The following CASP10 variants were observed in gnomAD, a reference collection of about 807,000 sequenced individuals.
CASP10 encodes the protein caspase-10.
Under a neutral mutation model 48.5 loss-of-function variants are expected in CASP10, and 41 were observed. The observed-to-expected ratio is 0.85, with a 90% CI of 0.66 to 1.10. The LOEUF is 1.10. Among genes scored for constraint, CASP10 ranks in the 50% least tolerant of loss-of-function variants. The pLI is 0.00. For missense variants in CASP10, 614 were observed against 614.5 expected, an observed-to-expected ratio of 1.00 and a Z score of 0.01; for synonymous variants, 232 against 238.4, an observed-to-expected ratio of 0.97 and a Z score of 0.25.
At chr2:201,191,499 C>G (rs139157165) in intron 3 of CASP10, among the ~76,000 whole-genome samples, 28 of 152,186 alleles carry the variant, frequency 1.8e-4, no homozygotes, top group African/African-American at 5.5e-4. Flanking sequence ...ATCAGACCAG[C>G]CTTTGGAAGT....
At chr2:201,203,668 T>C in intron 5 of CASP10, 62 bp from the exon 6 acceptor site, 3 of 1,427,900 alleles carry the variant, frequency 2.1e-6, no homozygotes, top group Non-Finnish European at 3.0e-6. Context: ...AGTCTAGTTT[T>C]TGTTCCTCAT....
chr2:201,193,048 G>A lies in CASP10; in HGVS notation c.506G>A (p.Cys169Tyr), dbSNP rs768707944. 1 of 1,613,576 alleles carries A rather than the reference G, an allele frequency of 6.2e-7. No homozygotes were observed. Among genetic ancestry groups the A allele is most frequent in the African/African-American group, 1.3e-5 (1 of 74,914 alleles). The change falls in exon 4 of 10, where the codon TGC becomes TAC. Residue 169 changes from cysteine to tyrosine, a missense_variant. Coordinates refer to ENST00000286186, the MANE Select transcript of CASP10 (RefSeq NM_032977.4). ...QGKIDEDNLT[C>Y]LEDLCKTVVP... is the part of the protein sequence containing the mutation. ...AAAATAGATGAAGATAATCTGACAT[G>A]CCTGGAGGACCTCTGCAAAACAGTT...
intron 9 of CASP10, among the ~76,000 whole-genome samples, chr2:201,209,965 AGGTGT>A (rs1241695077): frequency 1.3e-5 from 2 of 152,248 alleles, no homozygotes; most frequent in Non-Finnish European, 2.9e-5. Context: ...TGTGAAGTAT[AGGTGT>A]TATGGGAACA....
chr2:201,224,559 C>T (rs1945765308), downstream of CASP10, among the ~76,000 whole-genome samples: 1 of 151,932 alleles, frequency 6.6e-6, no homozygotes, highest in African/African-American at 2.4e-5. Context: ...AGAGTTTTGC[C>T]CCCAGTTCTG....
intron 9 of CASP10, among the ~76,000 whole-genome samples, chr2:201,210,935 A>G (rs939596449): frequency 9.9e-5 from 15 of 152,130 alleles, no homozygotes; most frequent in African/African-American, 2.9e-4. Context: ...TTTTTTTGGT[A>G]CTCCAGAAAT....
Position 201,185,998 on chromosome 2 carries a change from A to G in CASP10, c.221A>G (p.Glu74Gly). 1 of 1,613,778 alleles carries G rather than the reference A, an allele frequency of 6.2e-7. No homozygotes were observed. The highest frequency in any genetic ancestry group is 8.5e-7 in the Non-Finnish European group (1 of 1,179,964). Reference protein sequence around the residue: ...HLLAEDLLSEEDPFFLAELLY... With the variant: ...HLLAEDLLSEGDPFFLAELLY... Reference sequence around the variant, plus strand: ...TTGGCAGAGGATCTGCTGAGTGAGGAAGACCCTTTCTTCCTGGCAGAACTC... The same window carrying G: ...TTGGCAGAGGATCTGCTGAGTGAGGGAGACCCTTTCTTCCTGGCAGAACTC... The change falls in exon 2 of 10, where the codon GAA (glutamate) becomes GGA (glycine). Residue 74 changes from glutamate to glycine, a missense_variant. Physicochemically the swap from Glu to Gly is moderately conservative, Grantham distance 98 (BLOSUM62 -2). Transcript: ENST00000286186.
rs759180191 is a variant in CASP10, at chr2:201,209,316, C to T, written c.1169C>T (p.Ala390Val). Residue 390 changes from alanine (A) to valine (V), a missense_variant, in exon 9 of 10, where the codon GCT becomes GTT. Coordinates refer to ENST00000286186, the MANE Select transcript of CASP10 (RefSeq NM_032977.4). ...HFTALQCPRL[A>V]EKPKLFFIQA... ...ACAGCCCTGCAGTGCCCTAGACTGG[C>T]TGAAAAACCTAAACTCTTTTTCATC... The T allele has an allele frequency of 1.2e-6, 2 of 1,614,144 alleles. No individual in the cohort carries two copies. Among genetic ancestry groups the T allele is most frequent in the South Asian group, 2.2e-5 (2 of 91,074 alleles).
rs2126064778 is a variant in CASP10 at position 201,220,165 on chromosome 2, A to G, written c.*2424A>G. The G allele has an allele frequency of 2.0e-6, 2 of 984,974 alleles. No individual in the cohort carries two copies. The allele number at this position is 984,974 out of a possible 1,614,324, so 61.0% of individuals were successfully genotyped here. ...CAGAGGGAATGTCTAATCTATATTG[A>G]CAGGGCAGGAACACCGTCATCTTAG... On this transcript the variant is annotated 3_prime_UTR_variant, in exon 10 of 10. Transcript: ENST00000286186.
At chr2:201,225,901 G>A (rs1467306054), downstream of CASP10, among the ~76,000 whole-genome samples, 1 of 152,254 alleles carries the variant, frequency 6.6e-6, no homozygotes, top group East Asian at 1.9e-4. Flanking sequence ...GGCAGGTGGA[G>A]GTTGCAGTGA....
In CASP10 at chr2:201,201,577, C is replaced by T. The variant is rs556805369; in HGVS notation, c.685-2153C>T. On this transcript the variant is annotated intron_variant, in intron 5 of 9. Coordinates refer to ENST00000286186, the MANE Select transcript of CASP10 (RefSeq NM_032977.4). ...TGTGGCCTCTGAAGCGCTGTGGTTC[C>T]GCTGACGTGGGATGATAACTTGGCC... Among the ~76,000 whole-genome samples the T allele has an allele frequency of 6.1e-5, 8 of 130,232 alleles. No individual in the cohort carries two copies. The South Asian group carries it at 1.4e-3, about 23-fold the overall frequency. 85.4% of individuals were successfully genotyped at this position (130,232 alleles called of 152,430 possible).
intron 2 of CASP10, among the ~76,000 whole-genome samples, chr2:201,186,709 CAG>C (rs1944426948): frequency 6.6e-6 from 1 of 152,094 alleles, no homozygotes. Context: ...TATTTTGAGA[CAG>C]AGTCTCGCTC....
downstream of CASP10, among the ~76,000 whole-genome samples, chr2:201,222,067 A>G (rs1203466324): frequency 1.3e-5 from 2 of 152,146 alleles, no homozygotes; most frequent in East Asian, 3.8e-4. Context: ...GATCACAGCT[A>G]TTTGACAGTG....
At chr2:201,209,651 A>G in intron 9 of CASP10, 89 bp downstream of exon 9, 2 of 1,363,760 alleles carry the variant, frequency 1.5e-6, no homozygotes, top group Non-Finnish European at 2.0e-6. Context: ...GGTAAGGGTG[A>G]GAGTTCTACG....
At chr2:201,210,148 C>T (rs16836872) in intron 9 of CASP10, among the ~76,000 whole-genome samples, 7,243 of 152,332 alleles carry the variant, frequency 0.048, 212 homozygotes, top group Middle Eastern at 0.092. Context: ...CTCACTCTTA[C>T]GTCCTGAGCA....
rs1484964774 is a variant in CASP10, at chr2:201,218,025, C to A, written c.*284C>A. 1.3e-5 allele frequency: 11 copies of A among 825,622 alleles called. 1 individual carries two copies. The Admixed American group carries it at 3.2e-4, about 24-fold the overall frequency. 51.1% of individuals were successfully genotyped at this position (825,622 alleles called of 1,614,324 possible). ...ACCTCCCAGGCTCAAGCTGTCCTCC[C>A]GCCTCAGCTTCCCAAGTAGCTGGGA... On this transcript the variant is annotated 3_prime_UTR_variant, in exon 10 of 10. Transcript: ENST00000286186.
Position 201,218,186 on chromosome 2 carries a change from ACTGGG to A in CASP10, c.*446_*450del. 3.9e-6 allele frequency: 4 copies of A among 1,031,586 alleles called. No individual in the cohort carries two copies. The highest frequency in any genetic ancestry group is 5.1e-5 in the Admixed American group (1 of 19,424). 63.9% of individuals were successfully genotyped at this position (1,031,586 alleles called of 1,614,324 possible). On this transcript the variant is annotated 3_prime_UTR_variant, in exon 10 of 10. Coordinates refer to ENST00000286186, the MANE Select transcript of CASP10 (RefSeq NM_032977.4). Reference sequence around the variant, plus strand: ...ATCCTCCCACCTCTGTCCCCAAAATACTGGGATTATAGGCACGAGCCACCACACCT... The same window carrying A: ...ATCCTCCCACCTCTGTCCCCAAAATAATTATAGGCACGAGCCACCACACCT...
At chr2:201,192,169 C>G (rs950701214) in intron 3 of CASP10, among the ~76,000 whole-genome samples, 2 of 152,062 alleles carry the variant, frequency 1.3e-5, no homozygotes, top group African/African-American at 4.8e-5. Flanking sequence ...CCAAGGCAAG[C>G]AGATCACCTG....
chr2:201,225,878 AT>A (rs1437583011), downstream of CASP10, among the ~76,000 whole-genome samples: 1 of 152,042 alleles, frequency 6.6e-6, no homozygotes, highest in Non-Finnish European at 1.5e-5. Flanking sequence ...GGGCATGAGA[AT>A]TGCTTGACTC....
rs961000546 is a variant in CASP10, at chr2:201,220,510, C to T, written c.*2769C>T. On this transcript the variant is annotated 3_prime_UTR_variant, in exon 10 of 10. Transcript: ENST00000286186. The stretch of plus-strand genomic sequence containing the variant: ...CAGCTGCAGAAATATTGTATGGGAA[C>T]GGACACACAACTCTCCCTCCCAGAT... 1.9e-5 allele frequency: 3 copies of T among 154,832 alleles called. No homozygotes were observed. Among genetic ancestry groups the T allele is most frequent in the Non-Finnish European group, 2.8e-5 (2 of 70,526 alleles). 9.6% of individuals were successfully genotyped at this position (154,832 alleles called of 1,614,324 possible). A position where few individuals can be genotyped will look rare whatever the true frequency, so the allele number is the denominator to read the frequency against.
Sources: allele counts gnomAD v4.1 joint callset (sites outside exome capture counted in the v4.1 genomes callset), GRCh38; gene constraint gnomAD v4.1.1; transcripts MANE v1.5; gene names NCBI Gene and HGNC (gene_info 2026-07-23, HGNC 2026-07-21).